ST7: variants seen among roughly 807,000 people sequenced by gnomAD.
The protein encoded by ST7 is suppressor of tumorigenicity 7 protein.
ST7 carries 28 observed loss-of-function variants against 78.7 expected under a neutral mutation model. That is an observed-to-expected ratio of 0.36 (90% CI 0.26 to 0.49). ST7 has a LOEUF of 0.49. ST7 is among the 20% of genes least tolerant of loss of function. The pLI, the probability that ST7 is intolerant of heterozygous loss-of-function variation, is 0.99. For missense variants in ST7, 418 were observed against 696.0 expected, an observed-to-expected ratio of 0.60 and a Z score of 4.49; for synonymous variants, 247 against 249.6, an observed-to-expected ratio of 0.99 and a Z score of 0.10.
intron 10 of ST7, among the ~76,000 whole-genome samples, chr7:117,177,735 T>C (rs1654379165): frequency 6.6e-6 from 1 of 152,216 alleles, no homozygotes; most frequent in Non-Finnish European, 1.5e-5. Context: ...ATCCCTTTTA[T>C]TTCTTCAGTG....
At chr7:117,189,546 T>C (rs1809583639) in intron 11 of ST7, among the ~76,000 whole-genome samples, 153 bp downstream of exon 11, 1 of 152,202 alleles carries the variant, frequency 6.6e-6, no homozygotes, top group South Asian at 2.1e-4. Flanking sequence ...CTTTCACTAT[T>C]GGAAGGAGGG....
intron 1 of ST7, among the ~76,000 whole-genome samples, chr7:117,033,210 T>C (rs1462117597): frequency 6.6e-6 from 1 of 152,146 alleles, no homozygotes; most frequent in Non-Finnish European, 1.5e-5. Flanking sequence ...GTGTATATAT[T>C]TGATATAAAA....
At chr7:116,969,267 A>G (rs1345632023) in intron 1 of ST7, among the ~76,000 whole-genome samples, 1 of 151,936 alleles carries the variant, frequency 6.6e-6, no homozygotes, top group Non-Finnish European at 1.5e-5. Flanking sequence ...GGAGTATCAT[A>G]TCTCCCTAGA....
chr7:117,119,718 C>T lies in ST7; in HGVS notation c.392C>T (p.Ser131Leu). The T allele has an allele frequency of 6.2e-7, 1 of 1,611,022 alleles. No individual in the cohort carries two copies. Among genetic ancestry groups the T allele is most frequent in the Non-Finnish European group, 8.5e-7 (1 of 1,179,472 alleles). ...TCAGATTCCAATAGGCAAAGTGTCT[C>T]AGGTATGGAATTTCCTTCAGTTTGC... The part of the protein sequence containing the change: ...GDSDSNRQSV[S>L]ECKVWRNPLN... The change falls in exon 3 of 16, where the codon TCA becomes TTA. Residue 131 changes from serine (S) to leucine (L), a missense_variant and splice_region_variant. Around this residue, in one of 4 missense-constraint regions of ST7, gnomAD observed 36 missense variants for 29.7 expected, o/e 1.21. Transcript: ENST00000323984.
intron 9 of ST7, among the ~76,000 whole-genome samples, chr7:117,170,510 G>A (rs533533863): frequency 1.1e-4 from 17 of 152,120 alleles, no homozygotes; most frequent in African/African-American, 3.4e-4. Flanking sequence ...GTGAAACCCC[G>A]TCTCTACTTA....
chr7:117,132,251 A>G (rs1392672883), intron 6 of ST7, among the ~76,000 whole-genome samples: 1 of 151,820 alleles, frequency 6.6e-6, no homozygotes, highest in African/African-American at 2.4e-5. Context: ...TTCTTTACAT[A>G]TCTAAAACAT....
chr7:117,220,524 T>C (rs574471929), intron 14 of ST7, among the ~76,000 whole-genome samples: 13 of 152,330 alleles, frequency 8.5e-5, no homozygotes, highest in Admixed American at 7.8e-4. Context: ...TCGAGTCCAA[T>C]TAAGTTTCCA....
rs1400563476 is a variant in ST7, at chr7:117,219,281, T to G, written c.1498+105T>G. 2 of 927,660 alleles carry G rather than the reference T, an allele frequency of 2.2e-6. No homozygotes were observed. Among genetic ancestry groups the G allele is most frequent in the Admixed American group, 4.6e-5 (2 of 43,930 alleles). 57.5% of individuals were successfully genotyped at this position (927,660 alleles called of 1,614,324 possible). A position where few individuals can be genotyped will look rare whatever the true frequency, so the allele number is the denominator to read the frequency against. ...GAATGCTCCTTGTCTTTTATTACTT[T>G]TCTCCAAACCCCTGTCCTTGTTTGA... On this transcript the variant is annotated intron_variant, in intron 14 of 15. Transcript: ENST00000323984. The surrounding 1 kb of genome is among the most constrained non-coding windows in gnomAD (Gnocchi z 5.1).
intron 3 of ST7, among the ~76,000 whole-genome samples, chr7:117,126,850 A>C (rs1222128427): frequency 6.6e-6 from 1 of 151,938 alleles, no homozygotes; most frequent in Non-Finnish European, 1.5e-5. Context: ...ATGACAAAGT[A>C]GGGAATCTCT....
At chr7:117,210,545 G>A (rs767545914) in intron 13 of ST7, among the ~76,000 whole-genome samples, 2 of 152,154 alleles carry the variant, frequency 1.3e-5, no homozygotes, top group Non-Finnish European at 2.9e-5. Context: ...TAATGGTGGG[G>A]GAGACATGCT....
intron 9 of ST7, among the ~76,000 whole-genome samples, chr7:117,167,306 A>G (rs1807642772): frequency 7.2e-6 from 1 of 138,076 alleles, no homozygotes; most frequent in African/African-American, 2.7e-5. Context: ...GTATGTTTGC[A>G]TAACACAGCT....
At chr7:117,168,248 A>G (rs1316530747) in intron 9 of ST7, among the ~76,000 whole-genome samples, 2 of 152,178 alleles carry the variant, frequency 1.3e-5, no homozygotes, top group Admixed American at 1.3e-4. Context: ...GTTCTGTTGG[A>G]ACTGGGTGAG....
intron 9 of ST7, among the ~76,000 whole-genome samples, chr7:117,160,232 C>CAAAA (rs572498971): frequency 1.8e-5 from 2 of 113,756 alleles, no homozygotes; most frequent in Non-Finnish European, 3.8e-5. Flanking sequence ...AACTGTGTCT[C>CAAAA]AAAAAAAAAA....
chr7:116,972,830 C>T (rs1226170609), intron 1 of ST7: 2 of 1,074,880 alleles, frequency 1.9e-6, no homozygotes, highest in East Asian at 2.4e-5. Context: ...AGACGATCAG[C>T]TCGCTCCTCT....
intron 10 of ST7, among the ~76,000 whole-genome samples, chr7:117,186,458 G>T (rs985052291): frequency 6.6e-6 from 1 of 152,212 alleles, no homozygotes; most frequent in Non-Finnish European, 1.5e-5. Flanking sequence ...CACATCCCGG[G>T]TTGGATGGAG....
chr7:117,003,353 A>G (rs866049857), intron 1 of ST7, among the ~76,000 whole-genome samples: 15 of 152,078 alleles, frequency 9.9e-5, no homozygotes, highest in Middle Eastern at 6.8e-3. Flanking sequence ...GCTAGAGTGC[A>G]GTGGCCCAAT....
rs532410120 is a variant in ST7 at position 117,082,531 on chromosome 7, G to C, written c.152-17231G>C. Among the ~76,000 whole-genome samples, 9 of 152,264 alleles carry C rather than the reference G, an allele frequency of 5.9e-5. No homozygotes were observed. The South Asian group carries it at 1.9e-3, about 32-fold the overall frequency. ...GGAATGGCAGCATCATTGGGATACT[G>C]ATCGACTTCCCAAATGATGTAACTG... On this transcript the variant is annotated intron_variant, in intron 1 of 15. Transcript: ENST00000323984.
intron 15 of ST7, among the ~76,000 whole-genome samples, chr7:117,226,269 A>T (rs1368757530): frequency 6.6e-6 from 1 of 152,214 alleles, no homozygotes; most frequent in East Asian, 1.9e-4. Context: ...AAGATCAGGC[A>T]ATTGAAATGT....
intron 1 of ST7, among the ~76,000 whole-genome samples, chr7:117,065,431 G>A (rs1201361690): frequency 9.2e-5 from 14 of 151,970 alleles, no homozygotes; most frequent in Non-Finnish European, 2.1e-4. Flanking sequence ...GGATGGTCTC[G>A]ATCTCCTGAC....
Sources: gnomAD v4.1 joint callset for allele counts (sites outside exome capture counted in the v4.1 genomes callset) on GRCh38, gnomAD v4.1.1 for gene constraint, gnomAD v4.1.1 regional missense constraint, Gnocchi (gnomAD v3.1) non-coding constraint, MANE v1.5 for transcripts, NCBI Gene and HGNC (gene_info 2026-07-23, HGNC 2026-07-21) for gene names.